GRIN2A: variants seen among roughly 807,000 people sequenced by gnomAD.
GRIN2A encodes glutamate receptor ionotropic, NMDA 2A.
A neutral mutation model predicts 113.4 loss-of-function variants in GRIN2A; 22 were observed. That is an observed-to-expected ratio of 0.19 (90% CI 0.14 to 0.28). The LOEUF is 0.28. Among genes scored for constraint, GRIN2A ranks in the 10% least tolerant of loss-of-function variants. GRIN2A has a pLI of 1.00. For missense variants in GRIN2A, 1,502 were observed against 1,887.0 expected (o/e 0.80, Z 3.78); for synonymous variants, 827 against 738.4 (o/e 1.12, Z -1.94).
At chr16:9,926,888 TG>T (rs773552654) in intron 3 of GRIN2A, among the ~76,000 whole-genome samples, 1 of 150,288 alleles carries the variant, frequency 6.7e-6, no homozygotes, top group Non-Finnish European at 1.5e-5. Flanking sequence ...GTTTAAACAT[TG>T]GGACTTTACT....
At chr16:9,909,184 C>A (rs574475847) in intron 3 of GRIN2A, among the ~76,000 whole-genome samples, 1 of 152,234 alleles carries the variant, frequency 6.6e-6, no homozygotes, top group South Asian at 2.1e-4. Context: ...AGGGAAACTC[C>A]ACCTTTTTAA....
intron 10 of GRIN2A, among the ~76,000 whole-genome samples, chr16:9,803,576 C>T (rs1014685302): frequency 6.6e-6 from 1 of 152,154 alleles, no homozygotes; most frequent in Non-Finnish European, 1.5e-5. Flanking sequence ...AGATTTTATG[C>T]CAAAGGGGCT....
At chr16:10,037,802 A>C (rs2047062789) in intron 2 of GRIN2A, among the ~76,000 whole-genome samples, 1 of 151,996 alleles carries the variant, frequency 6.6e-6, no homozygotes, top group Non-Finnish European at 1.5e-5. Context: ...TTTGTATTAC[A>C]GTGACAGGGT....
intron 3 of GRIN2A, among the ~76,000 whole-genome samples, chr16:9,932,274 T>C (rs1019347397): frequency 6.6e-6 from 1 of 152,236 alleles, no homozygotes; most frequent in African/African-American, 2.4e-5. Flanking sequence ...GCTTAGCTTA[T>C]GTAAGACACC....
chr16:10,002,927 C>T (rs2046345352), intron 2 of GRIN2A, among the ~76,000 whole-genome samples: 1 of 152,108 alleles, frequency 6.6e-6, no homozygotes, highest in Non-Finnish European at 1.5e-5. Context: ...CTACTGGAAA[C>T]CATAAGGCCT....
intron 2 of GRIN2A, among the ~76,000 whole-genome samples, chr16:10,149,276 A>G (rs1007594548): frequency 1.3e-5 from 2 of 152,230 alleles, no homozygotes; most frequent in African/African-American, 4.8e-5. Flanking sequence ...TGGATATCAC[A>G]TTTACCCTGA....
chr16:9,775,996 G>T lies in GRIN2A; in HGVS notation c.2357-6907C>A, dbSNP rs576466260. Reference sequence around the variant, plus strand: ...GAGTCCTGTCCTGATTTCAGAGTCAGACAGAAGACGCAGCTTAAGCTTTCC... The same window carrying T: ...GAGTCCTGTCCTGATTTCAGAGTCATACAGAAGACGCAGCTTAAGCTTTCC... On this transcript the variant is annotated intron_variant, in intron 11 of 12. Coordinates refer to ENST00000330684, the MANE Select transcript of GRIN2A (RefSeq NM_001134407.3). Among the ~76,000 whole-genome samples the T allele has an allele frequency of 3.3e-5, 5 of 152,310 alleles. No individual in the cohort carries two copies. In the South Asian group the frequency reaches 1.0e-3, roughly 32 times the overall value.
chr16:9,974,179 C>T (rs1222180737), intron 2 of GRIN2A, among the ~76,000 whole-genome samples: 1 of 152,074 alleles, frequency 6.6e-6, no homozygotes, highest in East Asian at 1.9e-4. Flanking sequence ...GGCCCTCTCA[C>T]ATTGTTTTAT....
chr16:9,964,770 C>A (rs1381744152), intron 2 of GRIN2A, among the ~76,000 whole-genome samples: 2 of 152,146 alleles, frequency 1.3e-5, no homozygotes, highest in Non-Finnish European at 2.9e-5. Context: ...GTTGGTCCCA[C>A]CTTGCTAATC....
intron 2 of GRIN2A, among the ~76,000 whole-genome samples, chr16:10,038,323 A>C (rs2141949236): frequency 6.6e-6 from 1 of 152,232 alleles, no homozygotes; most frequent in South Asian, 2.1e-4. Flanking sequence ...AGATTTCAAC[A>C]TATGAATTCT....
At chr16:10,074,314 C>G (rs188008095) in intron 2 of GRIN2A, among the ~76,000 whole-genome samples, 1 of 152,138 alleles carries the variant, frequency 6.6e-6, no homozygotes, top group Non-Finnish European at 1.5e-5. Context: ...GAAAACAGTA[C>G]GACAGTTCTT....
intron 2 of GRIN2A, among the ~76,000 whole-genome samples, chr16:10,040,672 T>A (rs2047148885): frequency 6.6e-6 from 1 of 151,414 alleles, no homozygotes. Flanking sequence ...CACACTCACA[T>A]GTGCACACAC....
intron 4 of GRIN2A, among the ~76,000 whole-genome samples, chr16:9,875,025 C>T (rs1354059273): frequency 6.6e-6 from 1 of 151,534 alleles, no homozygotes; most frequent in Non-Finnish European, 1.5e-5. Flanking sequence ...GAGGTCGAGG[C>T]CTGCAGTGAG....
rs150486008 is a variant in GRIN2A at position 9,983,730 on chromosome 16, C to A, written c.415-45179G>T. 3.8e-4 allele frequency among the ~76,000 whole-genome samples: 58 copies of A among 152,256 alleles called. 1 individual carries two copies. In the South Asian group the frequency reaches 6.2e-3, roughly 16 times the overall value. ...CTGGGATTACAGGTGTGAGCCACCG[C>A]GCCCAGCCAAGATGTTGTTATTTTA... On this transcript the variant is annotated intron_variant, in intron 2 of 12. Coordinates refer to ENST00000330684, the MANE Select transcript of GRIN2A (RefSeq NM_001134407.3).
intron 2 of GRIN2A, among the ~76,000 whole-genome samples, chr16:10,007,683 G>A (rs949557123): frequency 3.3e-5 from 5 of 152,010 alleles, no homozygotes; most frequent in African/African-American, 9.6e-5. Context: ...CGGGGTCCAC[G>A]TAAATTTTAA....
At chr16:9,900,270 G>C (rs866467540) in intron 3 of GRIN2A, among the ~76,000 whole-genome samples, 2 of 152,200 alleles carry the variant, frequency 1.3e-5, no homozygotes, top group East Asian at 1.9e-4. Context: ...CCCAAGGAGA[G>C]AGGAGGAGCT....
chr16:10,063,005 A>C (rs773796112), intron 2 of GRIN2A, among the ~76,000 whole-genome samples: 8 of 152,242 alleles, frequency 5.3e-5, no homozygotes, highest in Non-Finnish European at 8.8e-5. Context: ...TTGGATAAAG[A>C]AAATTTGGCA....
At chr16:10,131,409 T>C (rs546946409) in intron 2 of GRIN2A, among the ~76,000 whole-genome samples, 4 of 151,052 alleles carry the variant, frequency 2.6e-5, no homozygotes, top group Admixed American at 6.6e-5. Context: ...AGTTGGAAGC[T>C]AAAGGGTCCC....
At chr16:9,978,432 T>C (rs556529274) in intron 2 of GRIN2A, among the ~76,000 whole-genome samples, 18 of 152,260 alleles carry the variant, frequency 1.2e-4, no homozygotes, top group African/African-American at 4.3e-4. Context: ...GTATGGAAGG[T>C]GGTTAGTACT....
Sources: gnomAD v4.1 joint callset for allele counts (sites outside exome capture counted in the v4.1 genomes callset) on GRCh38, gnomAD v4.1.1 for gene constraint, MANE v1.5 for transcripts, NCBI Gene and HGNC (gene_info 2026-07-23, HGNC 2026-07-21) for gene names.